Variants in UNC5D observed in about 807,000 individuals in gnomAD.
UNC5D encodes netrin receptor UNC5D.
Under a neutral mutation model 105.4 loss-of-function variants are expected in UNC5D, and 39 were observed. The ratio of observed to expected loss-of-function variants is 0.37; its 90% CI spans 0.29 to 0.48. The LOEUF (loss-of-function observed/expected upper bound fraction) is 0.48. Ranked by LOEUF, UNC5D falls within the 20% of genes least tolerant of loss-of-function variation. UNC5D has a pLI of 0.98. For synonymous variants in UNC5D, 452 were observed against 450.4 expected (o/e 1.00, Z -0.04); for missense variants, 991 against 1,202.4 (o/e 0.82, Z 2.60).
chr8:35,249,658 T>A (rs1288427589), intron 1 of UNC5D, among the ~76,000 whole-genome samples: 2 of 151,880 alleles, frequency 1.3e-5, no homozygotes, highest in Admixed American at 6.6e-5. Context: ...GAGTTTCTTT[T>A]AAAGTGAATT....
chr8:35,491,362 A>G (rs985127172), intron 1 of UNC5D, among the ~76,000 whole-genome samples: 2 of 152,306 alleles, frequency 1.3e-5, no homozygotes, highest in African/African-American at 2.4e-5. Flanking sequence ...AATGATTTAC[A>G]TGATAGACTT....
chr8:35,779,612 C>T (rs1586633777), intron 16 of UNC5D, among the ~76,000 whole-genome samples: 1 of 152,120 alleles, frequency 6.6e-6, no homozygotes, highest in African/African-American at 2.4e-5. Flanking sequence ...GCATGAAACA[C>T]CATGCCTGGC....
chr8:35,385,845 T>C (rs1290432765), intron 1 of UNC5D, among the ~76,000 whole-genome samples: 1 of 152,206 alleles, frequency 6.6e-6, no homozygotes, highest in Non-Finnish European at 1.5e-5. Context: ...AGATGAGTGA[T>C]TGTCTTCTTT....
chr8:35,620,386 A>T (rs1424200792), intron 4 of UNC5D, among the ~76,000 whole-genome samples: 1 of 152,162 alleles, frequency 6.6e-6, no homozygotes, highest in East Asian at 1.9e-4. Flanking sequence ...CAGGACCAGG[A>T]TCTTTTCATC....
chr8:35,708,439 T>C (rs959950697), intron 8 of UNC5D, among the ~76,000 whole-genome samples: 5 of 152,218 alleles, frequency 3.3e-5, no homozygotes, highest in Non-Finnish European at 7.3e-5. Flanking sequence ...AGGTGCTTTA[T>C]GAGATTTAAT....
At chr8:35,385,590 G>A (rs1042028343) in intron 1 of UNC5D, among the ~76,000 whole-genome samples, 5 of 150,642 alleles carry the variant, frequency 3.3e-5, no homozygotes, top group Admixed American at 6.7e-5. Context: ...CTCAGCCTCC[G>A]GAATAGCTGG....
intron 1 of UNC5D, among the ~76,000 whole-genome samples, chr8:35,244,484 A>G (rs1277229687): frequency 6.6e-6 from 1 of 152,170 alleles, no homozygotes; most frequent in Non-Finnish European, 1.5e-5. Context: ...TATGTTTCTC[A>G]TGGTTATAAA....
chr8:35,411,034 A>T (rs1254186889), intron 1 of UNC5D, among the ~76,000 whole-genome samples: 1 of 151,950 alleles, frequency 6.6e-6, no homozygotes, highest in African/African-American at 2.4e-5. Context: ...TCCCCTGTTG[A>T]TATTTTATTT....
intron 4 of UNC5D, among the ~76,000 whole-genome samples, chr8:35,674,575 T>A (rs958901721): frequency 6.6e-6 from 1 of 152,220 alleles, no homozygotes; most frequent in Admixed American, 6.5e-5. Context: ...TGGTAAGTGT[T>A]CATGAAATGC....
intron 1 of UNC5D, among the ~76,000 whole-genome samples, chr8:35,378,598 G>C (rs1802840277): frequency 6.6e-6 from 1 of 152,166 alleles, no homozygotes; most frequent in African/African-American, 2.4e-5. Flanking sequence ...ACTTTTGGCT[G>C]CACCTGCCTG....
At chr8:35,247,062 G>A (rs1213119374) in intron 1 of UNC5D, among the ~76,000 whole-genome samples, 2 of 151,962 alleles carry the variant, frequency 1.3e-5, no homozygotes, top group African/African-American at 2.4e-5. Flanking sequence ...GTCCGTCCCT[G>A]CCCATGAATC....
chr8:35,527,206 T>G (rs1813943131), intron 1 of UNC5D, among the ~76,000 whole-genome samples: 1 of 152,160 alleles, frequency 6.6e-6, no homozygotes, highest in Non-Finnish European at 1.5e-5. Context: ...TTGATTTCCT[T>G]GTCTGGCCAG....
chr8:35,301,698 GTTGCAGTTTGT>G (rs1807971929), intron 1 of UNC5D, among the ~76,000 whole-genome samples: 1 of 152,160 alleles, frequency 6.6e-6, no homozygotes, highest in African/African-American at 2.4e-5. Context: ...AGGTTAGGTT[GTTGCAGTTTGT>G]TACATAGGAA....
chr8:35,312,082 C>A (rs1038968611), intron 1 of UNC5D, among the ~76,000 whole-genome samples: 13 of 152,138 alleles, frequency 8.5e-5, no homozygotes, highest in African/African-American at 2.9e-4. Context: ...TCATGTTTCC[C>A]AAACTAACAT....
chr8:35,298,157 G>A (rs1807641974), intron 1 of UNC5D, among the ~76,000 whole-genome samples: 1 of 151,720 alleles, frequency 6.6e-6, no homozygotes, highest in Non-Finnish European at 1.5e-5. Flanking sequence ...CTGTCCCAAT[G>A]ATCTGGACTC....
At chr8:35,662,263 C>G (rs1824155953) in intron 4 of UNC5D, among the ~76,000 whole-genome samples, 1 of 151,288 alleles carries the variant, frequency 6.6e-6, no homozygotes, top group Non-Finnish European at 1.5e-5. Context: ...AAGACATGGT[C>G]TGGCAGCCCC....
chr8:35,611,782 C>T (rs141562290), intron 4 of UNC5D, among the ~76,000 whole-genome samples: 1 of 152,166 alleles, frequency 6.6e-6, no homozygotes, highest in South Asian at 2.1e-4. Context: ...CCAATTTGCT[C>T]TTTTCAAAAC....
At chr8:35,660,548 A>G (rs779964526) in intron 4 of UNC5D, among the ~76,000 whole-genome samples, 3 of 152,190 alleles carry the variant, frequency 2.0e-5, no homozygotes, top group African/African-American at 2.4e-5. Context: ...CCTGTAATGT[A>G]TGCAGAACCA....
chr8:35,588,517 T>A (rs1818946543), intron 3 of UNC5D, among the ~76,000 whole-genome samples: 1 of 152,136 alleles, frequency 6.6e-6, no homozygotes, highest in Non-Finnish European at 1.5e-5. Flanking sequence ...CACTGCTACA[T>A]TTACAGGGTA....
Sources: allele counts gnomAD v4.1 joint callset (sites outside exome capture counted in the v4.1 genomes callset), GRCh38; gene constraint gnomAD v4.1.1; transcripts MANE v1.5; gene names NCBI Gene and HGNC (gene_info 2026-07-23, HGNC 2026-07-21).